DOP1B: variants seen among roughly 807,000 people sequenced by gnomAD.
DOP1B encodes the protein DOP1 leucine zipper like protein B, also known as protein DOP1B.
Under a neutral mutation model 233.5 loss-of-function variants are expected in DOP1B, and 174 were observed. The observed-to-expected ratio is 0.75, with a 90% CI of 0.66 to 0.85. DOP1B has a LOEUF of 0.85. Among genes scored for constraint, DOP1B ranks in the 40% least tolerant of loss-of-function variants. DOP1B has a pLI of 0.00. For missense variants in DOP1B, 2,652 were observed against 2,846.6 expected (o/e 0.93, Z 1.56); for synonymous variants, 1,190 against 1,185.6 (o/e 1.00, Z -0.08).
intron 2 of DOP1B, among the ~76,000 whole-genome samples, chr21:36,168,415 A>G (rs1330342146): frequency 1.3e-5 from 2 of 152,174 alleles, no homozygotes; most frequent in South Asian, 2.1e-4. Flanking sequence ...CGGAAACGCT[A>G]TGTTTAACTT....
intron 23 of DOP1B, among the ~76,000 whole-genome samples, chr21:36,257,054 C>T (rs534670461): frequency 2.0e-5 from 3 of 152,274 alleles, no homozygotes; most frequent in South Asian, 2.1e-4. Context: ...GGGATTCCCA[C>T]GAACCCCCTC....
At chr21:36,208,678 G>C (rs751973692) in intron 4 of DOP1B, 37 bp from the exon 5 acceptor site, 1 of 1,594,970 alleles carries the variant, frequency 6.3e-7, no homozygotes, top group Non-Finnish European at 8.5e-7. Context: ...CGGGAAGATG[G>C]GGCGAGCCCT....
chr21:36,181,528 C>T (rs916493403), intron 2 of DOP1B, among the ~76,000 whole-genome samples: 1 of 152,226 alleles, frequency 6.6e-6, no homozygotes, highest in African/African-American at 2.4e-5. Context: ...ATCCACCCCC[C>T]TCAGCCTCCC....
In DOP1B at chr21:36,260,579, T is replaced by C. The variant is rs114126477; in HGVS notation, c.5260-98T>C. 1.6e-3 allele frequency: 2,482 copies of C among 1,517,194 alleles called. 34 individuals are homozygous for C. In the African/African-American group the frequency reaches 0.03, roughly 18 times the overall value. The allele number at this position is 1,517,194 out of a possible 1,614,324, so 94.0% of individuals were successfully genotyped here. ...GAAAGATTCTTTAGTCAAAAACCTT[T>C]GCTTTGTTAGGCTATAGATCTGTTT... On this transcript the variant is annotated intron_variant, in intron 23 of 36. Coordinates refer to ENST00000691173, the MANE Select transcript of DOP1B (RefSeq NM_001320714.2).
rs2067035941 is a variant in DOP1B at position 36,251,850 on chromosome 21, T to TTGTG, written c.5121+568_5121+571dup. On this transcript the variant is annotated intron_variant, in intron 22 of 36. Transcript: ENST00000691173. ...TTTTTCTGTAATGAGTATATAGTAC[T>TTGTG]TGTGTTTAATCTTTTTAAATCTAAA... Among the ~76,000 whole-genome samples the TTGTG allele has an allele frequency of 2.0e-5, 3 of 152,294 alleles. No homozygotes were observed. The South Asian group carries it at 6.2e-4, about 32-fold the overall frequency.
At chr21:36,164,893 TG>T in intron 2 of DOP1B, 22 bp downstream of exon 2, 3 of 1,503,998 alleles carry the variant, frequency 2.0e-6, no homozygotes, top group Non-Finnish European at 2.7e-6. Flanking sequence ...GTATCCTATT[TG>T]GATTGCATGG....
At chr21:36,235,222 T>G (rs1468845556) in intron 15 of DOP1B, among the ~76,000 whole-genome samples, 1 of 152,136 alleles carries the variant, frequency 6.6e-6, no homozygotes, top group African/African-American at 2.4e-5. Context: ...ATTCTCAGAC[T>G]CCAGACAGGG....
intron 3 of DOP1B, 122 bp from the exon 4 acceptor site, chr21:36,200,209 G>A (rs878981232): frequency 6.1e-6 from 8 of 1,310,144 alleles, no homozygotes; most frequent in South Asian, 1.5e-5. Flanking sequence ...CCCACACATC[G>A]AAACCAGCAG....
At chr21:36,253,452 G>GCCTGTAATC (rs2067054590) in intron 22 of DOP1B, among the ~76,000 whole-genome samples, 1 of 152,130 alleles carries the variant, frequency 6.6e-6, no homozygotes, top group Admixed American at 6.5e-5. Flanking sequence ...GGCGGCTCAT[G>GCCTGTAATC]CCTGTAATCC....
At chr21:36,260,562 C>G in intron 23 of DOP1B, 115 bp from the exon 24 acceptor site, 2 of 1,384,662 alleles carry the variant, frequency 1.4e-6, no homozygotes, top group South Asian at 2.6e-5. Context: ...CTGAAAGATT[C>G]TTTAGTCAAA....
intron 13 of DOP1B, among the ~76,000 whole-genome samples, chr21:36,229,385 C>T (rs565094176): frequency 1.3e-5 from 2 of 152,254 alleles, no homozygotes; most frequent in South Asian, 2.1e-4. Flanking sequence ...CAGCATTCCT[C>T]GGCTTGTCCA....
In DOP1B at chr21:36,231,199, G is replaced by T; in HGVS notation, c.2350+65G>T. 4 of 1,511,946 alleles carry T rather than the reference G, an allele frequency of 2.6e-6. No homozygotes were observed. In the South Asian group the frequency reaches 5.2e-5, roughly 20 times the overall value. The allele number at this position is 1,511,946 out of a possible 1,614,324, so 93.7% of individuals were successfully genotyped here. On this transcript the variant is annotated intron_variant, in intron 14 of 36. Coordinates refer to ENST00000691173, the MANE Select transcript of DOP1B (RefSeq NM_001320714.2). ...TACGATGAGGCGATTGACGTGGGTG[G>T]AATATCCCCTATCCACAATGCTAGG...
chr21:36,194,485 C>CTTTTTTT (rs1432687395), intron 2 of DOP1B, among the ~76,000 whole-genome samples: 1 of 124,572 alleles, frequency 8.0e-6, no homozygotes, highest in Non-Finnish European at 1.7e-5. Context: ...CTCTCTCTCT[C>CTTTTTTT]TCTTTTTTTT....
intron 2 of DOP1B, among the ~76,000 whole-genome samples, chr21:36,183,251 T>A (rs1478514452): frequency 6.6e-6 from 1 of 152,084 alleles, no homozygotes; most frequent in Non-Finnish European, 1.5e-5. Flanking sequence ...TATCACCCCC[T>A]CCTCCACCCA....
intron 2 of DOP1B, among the ~76,000 whole-genome samples, chr21:36,190,339 T>A (rs1016495463): frequency 1.3e-5 from 2 of 151,540 alleles, no homozygotes; most frequent in East Asian, 1.9e-4. Context: ...ATAAATAAAT[T>A]AATTAAATTA....
At chr21:36,228,845 C>T (rs1390680892) in intron 13 of DOP1B, among the ~76,000 whole-genome samples, 2 of 151,900 alleles carry the variant, frequency 1.3e-5, no homozygotes, top group African/African-American at 4.8e-5. Context: ...GTGGTGTTCA[C>T]CTGTAGTTCC....
chr21:36,176,869 A>C (rs144441555), intron 2 of DOP1B, among the ~76,000 whole-genome samples: 289 of 151,952 alleles, frequency 1.9e-3, no homozygotes, highest in Middle Eastern at 0.017. Flanking sequence ...CCCAGGCTGG[A>C]GTGCAGTGAC....
At chr21:36,164,212 G>T (rs144466480) in intron 1 of DOP1B, among the ~76,000 whole-genome samples, 1 of 152,296 alleles carries the variant, frequency 6.6e-6, no homozygotes, top group Non-Finnish European at 1.5e-5. Context: ...CCAGCTACTT[G>T]GGAGGCTGAG....
At chr21:36,268,125 TCTA>T (rs1300017045) in intron 26 of DOP1B, among the ~76,000 whole-genome samples, 1 of 152,074 alleles carries the variant, frequency 6.6e-6, no homozygotes, top group Non-Finnish European at 1.5e-5. Flanking sequence ...TTTTCCCCAC[TCTA>T]GTAAGCCTGA....
Sources: gnomAD v4.1 joint callset for allele counts (sites outside exome capture counted in the v4.1 genomes callset) on GRCh38, gnomAD v4.1.1 for gene constraint, MANE v1.5 for transcripts, NCBI Gene and HGNC (gene_info 2026-07-23, HGNC 2026-07-21) for gene names.